MKRN1: variants seen among roughly 807,000 people sequenced by gnomAD.
MKRN1 encodes makorin ring finger protein 1, also known as E3 ubiquitin-protein ligase makorin-1.
A neutral mutation model predicts 55.5 loss-of-function variants in MKRN1; 9 were observed. The ratio of observed to expected loss-of-function variants is 0.16; its 90% confidence interval spans 0.10 to 0.28. MKRN1 has a LOEUF of 0.28. MKRN1 is among the 10% of genes least tolerant of loss of function. The probability of loss-of-function intolerance (pLI) is 1.00; values close to 1 mark genes in which losing one functional copy is unlikely to be tolerated. For synonymous variants in MKRN1, 253 were observed against 235.9 expected, an observed-to-expected ratio of 1.07 and a Z score of -0.66; for missense variants, 488 against 626.7, an observed-to-expected ratio of 0.78 and a Z score of 2.36.
intron 2 of MKRN1, among the ~76,000 whole-genome samples, chr7:140,466,247 TCAAGTAGACTA>T (rs1233153762): frequency 6.6e-6 from 1 of 152,196 alleles, no homozygotes; most frequent in Admixed American, 6.6e-5. Flanking sequence ...CACCAAACTT[TCAAGTAGACTA>T]CTATAGTTTC....
At position 140,474,001 on chromosome 7, in the gene MKRN1, AAAAAAAAGAAAG is replaced by A. The variant is rs1333101137; in HGVS notation, c.186-2002_186-1991del. ...CAGCGAAACTCCGTCTCAAAAAAAA[AAAAAAAAGAAAG>A]AAAGAAAGAAAGAAAGAAAGAAAGA... On this transcript the variant is annotated intron_variant, in intron 1 of 7. Transcript: ENST00000255977. Among the ~76,000 whole-genome samples, 125 of 103,366 alleles carry A rather than the reference AAAAAAAAGAAAG, an allele frequency of 1.2e-3. 5 individuals carry two copies. Among genetic ancestry groups the A allele is most frequent in the Admixed American group, 8.9e-3 (90 of 10,124 alleles). 67.8% of individuals were successfully genotyped at this position (103,366 alleles called of 152,430 possible). A position where few individuals can be genotyped will look rare whatever the true frequency, so the allele number is the denominator to read the frequency against.
intron 2 of MKRN1, among the ~76,000 whole-genome samples, chr7:140,466,684 G>A (rs942073843): frequency 6.6e-6 from 1 of 151,844 alleles, no homozygotes; most frequent in South Asian, 2.1e-4. Flanking sequence ...GGCGCCTGTA[G>A]TCCCAGCTAC....
intron 2 of MKRN1, among the ~76,000 whole-genome samples, chr7:140,464,120 T>G (rs1019758565): frequency 6.6e-6 from 1 of 151,728 alleles, no homozygotes; most frequent in South Asian, 2.1e-4. Flanking sequence ...GGTTTCACCA[T>G]GTTGGCCAGG....
intron 1 of MKRN1, chr7:140,472,225 A>G (rs1794949292): frequency 1.8e-6 from 1 of 547,582 alleles, no homozygotes; most frequent in Non-Finnish European, 3.2e-6. Flanking sequence ...GTCTAAGACC[A>G]GCGGTTCGAG....
Position 140,471,368 on chromosome 7 carries a change from C to A in MKRN1, c.314+515G>T, listed in dbSNP as rs147072972. 3.6e-3 allele frequency among the ~76,000 whole-genome samples: 547 copies of A among 152,130 alleles called. 10 individuals carry two copies. In the East Asian group the frequency reaches 0.049, roughly 14 times the overall value. On this transcript the variant is annotated intron_variant, in intron 2 of 7. Coordinates refer to ENST00000255977, the MANE Select transcript of MKRN1 (RefSeq NM_013446.4). The stretch of plus-strand genomic sequence containing the variant: ...CTCCAGCCTGGGCAACACAGTAAGA[C>A]CCTGTCTCAAAAAAATAAATAAAAA...
chr7:140,455,852 C>T lies in MKRN1; in HGVS notation c.1035G>A (p.Glu345=). Residue 345 remains glutamate, a synonymous_variant, in exon 6 of 8, where the codon GAG becomes GAA. Coordinates refer to ENST00000255977, the MANE Select transcript of MKRN1 (RefSeq NM_013446.4). The part of the protein sequence containing the change: ...RITSNFVIPS[E]YWVEEKEEKQ... Reference sequence around the variant, plus strand: ...TCTCTTCTTTCTCCTCCACCCAGTACTCACTTGGAATGACAAAGTTAGATG... The same window carrying T: ...TCTCTTCTTTCTCCTCCACCCAGTATTCACTTGGAATGACAAAGTTAGATG... 1 of 1,614,158 alleles carries T rather than the reference C, an allele frequency of 6.2e-7. No individual in the cohort carries two copies. Among genetic ancestry groups the T allele is most frequent in the East Asian group, 2.2e-5 (1 of 44,884 alleles).
chr7:140,457,182 T>G (rs893181372), intron 4 of MKRN1, among the ~76,000 whole-genome samples: 2 of 152,184 alleles, frequency 1.3e-5, no homozygotes, highest in Admixed American at 1.3e-4. Flanking sequence ...TTTTCCATAC[T>G]GTTTGTTATT....
At chr7:140,476,471 C>CAAAA (rs59392050) in intron 1 of MKRN1, among the ~76,000 whole-genome samples, 3,710 of 72,366 alleles carry the variant, frequency 0.051, 210 homozygotes, top group African/African-American at 0.089. Context: ...CACTCCATCT[C>CAAAA]AAAAAAAAAA....
chr7:140,455,392 G>A (rs1002104686), intron 6 of MKRN1, 159 bp from the exon 7 acceptor site: 1 of 856,768 alleles, frequency 1.2e-6, no homozygotes, highest in African/African-American at 1.7e-5. Context: ...GCCAATGCAA[G>A]AAACACTAAC....
At chr7:140,476,365 A>T (rs1795115925) in intron 1 of MKRN1, among the ~76,000 whole-genome samples, 1 of 150,644 alleles carries the variant, frequency 6.6e-6, no homozygotes, top group Non-Finnish European at 1.5e-5. Flanking sequence ...CCACCTACTC[A>T]GGAGGCTGAG....
At chr7:140,473,046 G>A (rs1794981444) in intron 1 of MKRN1, among the ~76,000 whole-genome samples, 2 of 151,228 alleles carry the variant, frequency 1.3e-5, no homozygotes, top group African/African-American at 2.4e-5. Context: ...AGCCGAGATC[G>A]TGCCATTGAG....
At chr7:140,459,636 G>A in intron 3 of MKRN1, 71 bp downstream of exon 3, 1 of 1,458,400 alleles carries the variant, frequency 6.9e-7, no homozygotes, top group Non-Finnish European at 9.5e-7. Flanking sequence ...GGGGAAAGTT[G>A]TCAAAACTAA....
At chr7:140,477,251 A>C (rs1388670377) in intron 1 of MKRN1, among the ~76,000 whole-genome samples, 2 of 152,172 alleles carry the variant, frequency 1.3e-5, no homozygotes, top group Admixed American at 1.3e-4. Context: ...AACAATAAAA[A>C]ACTGTCTCAA....
chr7:140,478,064 T>C (rs948253158), intron 1 of MKRN1: 1 of 152,204 alleles, frequency 6.6e-6, no homozygotes, highest in Non-Finnish European at 1.5e-5. Context: ...ATGTATCACA[T>C]CAAAGACTGG....
intron 4 of MKRN1, 32 bp downstream of exon 4, chr7:140,458,975 C>G: frequency 4.4e-6 from 7 of 1,602,270 alleles, no homozygotes; most frequent in Non-Finnish European, 6.0e-6. Flanking sequence ...ATTCTCACAT[C>G]TAATAACACA....
At chr7:140,455,357 G>T in intron 6 of MKRN1, 124 bp from the exon 7 acceptor site, 1 of 1,210,048 alleles carries the variant, frequency 8.3e-7, no homozygotes, top group Non-Finnish European at 1.2e-6. Context: ...CCCTCCCCAA[G>T]ATGTGTTCTT....
chr7:140,474,006 AAAGAAAGAAAGAAAGAAAGAAAGAAAG>A (rs1795027282), intron 1 of MKRN1, among the ~76,000 whole-genome samples: 3 of 9,586 alleles, frequency 3.1e-4, no homozygotes, highest in South Asian at 5.2e-3. Context: ...AAAAAAAAAA[AAAGAAAGAAAGAAAGAAAGAAAGAAAG>A]AAAGAAAGAA....
Position 140,453,518 on chromosome 7 carries a change from T to G in MKRN1, c.*999A>C, listed in dbSNP as rs1794389813. 6.6e-6 allele frequency: 1 copy of G among 152,630 alleles called. No homozygotes were observed. The highest frequency in any genetic ancestry group is 2.1e-4 in the South Asian group (1 of 4,836). 9.5% of individuals were successfully genotyped at this position (152,630 alleles called of 1,614,324 possible). Reference sequence around the variant, plus strand: ...AAGGTTTCTCAGAAAGTGCCTGTACTGGAAAGGCTAGATCGTAAAACATTA... The same window carrying G: ...AAGGTTTCTCAGAAAGTGCCTGTACGGGAAAGGCTAGATCGTAAAACATTA... On this transcript the variant is annotated 3_prime_UTR_variant, in exon 8 of 8. Transcript: ENST00000255977.
intron 5 of MKRN1, 166 bp from the exon 6 acceptor site, chr7:140,456,066 A>C (rs1278064856): frequency 1.0e-6 from 1 of 969,970 alleles, no homozygotes; most frequent in Non-Finnish European, 1.4e-6. Flanking sequence ...CATTTCTTTC[A>C]AGCAAGGCAA....
Sources: gnomAD v4.1 joint callset for allele counts (sites outside exome capture counted in the v4.1 genomes callset) on GRCh38, gnomAD v4.1.1 for gene constraint, MANE v1.5 for transcripts, NCBI Gene and HGNC (gene_info 2026-07-23, HGNC 2026-07-21) for gene names.